The following RBMS3 variants were observed in gnomAD, a reference collection of about 807,000 sequenced individuals.
RBMS3 encodes the protein RNA-binding motif, single-stranded-interacting protein 3.
Under a neutral mutation model 66.8 loss-of-function variants are expected in RBMS3, and 27 were observed. The ratio of observed to expected loss-of-function variants is 0.40; its 90% CI spans 0.30 to 0.56. The LOEUF (loss-of-function observed/expected upper bound fraction) is 0.56, where lower values mean the gene tolerates loss of function less well. Ranked by LOEUF, RBMS3 falls within the 20% of genes least tolerant of loss-of-function variation. The pLI is 0.40. For missense variants in RBMS3, 513 were observed against 549.5 expected (o/e 0.93, Z 0.66); for synonymous variants, 188 against 183.0 (o/e 1.03, Z -0.22).
At chr3:29,698,162 T>G (rs1369356698) in intron 4 of RBMS3, 2 of 962,060 alleles carry the variant, frequency 2.1e-6, no homozygotes, top group East Asian at 2.3e-4. Context: ...TTAATGCTCC[T>G]TCTTCAGACT....
intron 4 of RBMS3, among the ~76,000 whole-genome samples, chr3:29,735,796 T>C (rs1157676297): frequency 6.6e-6 from 1 of 152,204 alleles, no homozygotes; most frequent in Admixed American, 6.5e-5. Context: ...CAGATTATCA[T>C]CTATTTCTAG....
intron 2 of RBMS3, among the ~76,000 whole-genome samples, chr3:29,482,957 C>T (rs959412843): frequency 1.3e-5 from 2 of 151,736 alleles, no homozygotes; most frequent in South Asian, 2.1e-4. Flanking sequence ...CTACCCACCT[C>T]GGTCTCCCAA....
intron 3 of RBMS3, among the ~76,000 whole-genome samples, chr3:29,491,706 C>A (rs973697603): frequency 6.6e-6 from 1 of 152,068 alleles, no homozygotes; most frequent in African/African-American, 2.4e-5. Flanking sequence ...AATTGGACAG[C>A]GGTTAGGCCG....
At chr3:29,628,061 A>T (rs79805902) in intron 4 of RBMS3, among the ~76,000 whole-genome samples, 2,192 of 152,256 alleles carry the variant, frequency 0.014, 38 homozygotes, top group African/African-American at 0.042. Context: ...TTAAAAACCC[A>T]ATACCATCAT....
intron 5 of RBMS3, among the ~76,000 whole-genome samples, chr3:29,748,703 A>G (rs1170072350): frequency 1.3e-5 from 2 of 152,144 alleles, no homozygotes; most frequent in Admixed American, 6.6e-5. Context: ...AATTTTGCAT[A>G]CCTCACATAG....
intron 1 of RBMS3, among the ~76,000 whole-genome samples, chr3:29,365,476 T>C (rs2037847527): frequency 6.6e-6 from 1 of 152,146 alleles, no homozygotes; most frequent in Non-Finnish European, 1.5e-5. Flanking sequence ...CATTACTTCT[T>C]ACAATGGTGA....
rs950028730 is a variant in RBMS3 at position 30,004,540 on chromosome 3, A to G, written c.*678A>G. ...TTTTAGGGTGAAGAAAAAACTGTAC[A>G]GTTTAAATGAAAATGTTTTTCTTCA... On this transcript the variant is annotated 3_prime_UTR_variant, in exon 15 of 15. Transcript: ENST00000383767. 11 of 152,278 alleles carry G rather than the reference A, an allele frequency of 7.2e-5. No individual in the cohort carries two copies. The highest frequency in any genetic ancestry group is 1.5e-4 in the Non-Finnish European group (10 of 67,814). 9.4% of individuals were successfully genotyped at this position (152,278 alleles called of 1,614,324 possible). A position where few individuals can be genotyped will look rare whatever the true frequency, so the allele number is the denominator to read the frequency against.
chr3:29,814,658 C>A (rs916937656), intron 6 of RBMS3, among the ~76,000 whole-genome samples: 5 of 152,158 alleles, frequency 3.3e-5, no homozygotes, highest in Admixed American at 3.3e-4. Flanking sequence ...ACAATTTCAG[C>A]TCCTGTTATT....
intron 1 of RBMS3, among the ~76,000 whole-genome samples, chr3:29,328,569 T>G (rs2035474145): frequency 6.6e-6 from 1 of 152,140 alleles, no homozygotes; most frequent in East Asian, 1.9e-4. Context: ...TCCCTCAACC[T>G]CCAGGTAAAT....
intron 12 of RBMS3, among the ~76,000 whole-genome samples, chr3:29,977,854 T>C (rs1577300829): frequency 6.6e-6 from 1 of 152,030 alleles, no homozygotes; most frequent in East Asian, 1.9e-4. Context: ...AATAAAAAAC[T>C]TGTGTTCATG....
chr3:29,681,231 G>A (rs1052318427), intron 4 of RBMS3, among the ~76,000 whole-genome samples: 5 of 152,106 alleles, frequency 3.3e-5, no homozygotes, highest in Non-Finnish European at 7.3e-5. Flanking sequence ...TAAAATTAGT[G>A]TAAGAATGAA....
At chr3:29,888,955 T>TC (rs967507499) in intron 8 of RBMS3, among the ~76,000 whole-genome samples, 10 of 151,364 alleles carry the variant, frequency 6.6e-5, no homozygotes, top group Non-Finnish European at 3.0e-5. Flanking sequence ...TTAATATACC[T>TC]CCCCCCACGA....
chr3:29,623,044 A>C lies in RBMS3; in HGVS notation c.399+35839A>C, dbSNP rs572696271. Among the ~76,000 whole-genome samples the C allele has an allele frequency of 2.3e-3, 350 of 150,282 alleles. 2 individuals carry two copies. The highest frequency in any genetic ancestry group is 8.2e-3 in the African/African-American group (336 of 40,884). ...AGGAAGGAGAATGGCGTGAACTGGC[A>C]AGCTTGCAGTGAGCCGAGATCGTAC... On this transcript the variant is annotated intron_variant, in intron 4 of 14. Transcript: ENST00000383767.
intron 3 of RBMS3, among the ~76,000 whole-genome samples, chr3:29,550,778 G>T (rs2046156398): frequency 6.6e-6 from 1 of 152,190 alleles, no homozygotes; most frequent in South Asian, 2.1e-4. Context: ...ATTTTGGCAA[G>T]TGTATTTCAA....
intron 5 of RBMS3, among the ~76,000 whole-genome samples, chr3:29,760,745 A>G (rs2055643119): frequency 6.6e-6 from 1 of 152,072 alleles, no homozygotes; most frequent in African/African-American, 2.4e-5. Context: ...GGAAAATTGT[A>G]CTTAGCTGTT....
chr3:29,382,990 C>T (rs1273896626), intron 1 of RBMS3, among the ~76,000 whole-genome samples: 1 of 152,088 alleles, frequency 6.6e-6, no homozygotes, highest in Non-Finnish European at 1.5e-5. Flanking sequence ...AATGAGAAAA[C>T]CTGTTCACTT....
intron 6 of RBMS3, among the ~76,000 whole-genome samples, chr3:29,778,216 T>C (rs1270528370): frequency 2.6e-5 from 4 of 151,906 alleles, no homozygotes; most frequent in Non-Finnish European, 5.9e-5. Context: ...AAAATTTCTT[T>C]CTTTGAATTT....
rs543402615 is a variant in RBMS3, at chr3:29,484,567, T to C, written c.249-3874T>C. On this transcript the variant is annotated intron_variant, in intron 2 of 14. Transcript: ENST00000383767. The stretch of plus-strand genomic sequence containing the variant: ...GGTAGTGAGGATTACAATTTTAACA[T>C]ATTAATTTTGAGGGGACAAAATTCA... Among the ~76,000 whole-genome samples, 17 of 152,324 alleles carry C rather than the reference T, an allele frequency of 1.1e-4. No homozygotes were observed. The East Asian group carries it at 2.3e-3, about 21-fold the overall frequency.
At chr3:29,635,429 T>C (rs139514792) in intron 4 of RBMS3, among the ~76,000 whole-genome samples, 1 of 151,968 alleles carries the variant, frequency 6.6e-6, no homozygotes, top group African/African-American at 2.4e-5. Context: ...ACCGAATCCA[T>C]TAGGAAATCC....
Sources: gnomAD v4.1 joint callset for allele counts (sites outside exome capture counted in the v4.1 genomes callset) on GRCh38, gnomAD v4.1.1 for gene constraint, MANE v1.5 for transcripts, NCBI Gene and HGNC (gene_info 2026-07-23, HGNC 2026-07-21) for gene names.